Variants in SHB observed in about 807,000 individuals in gnomAD.
SHB encodes SH2 domain containing adaptor protein B.
A neutral mutation model predicts 52.3 loss-of-function variants in SHB; 20 were observed. That is an observed-to-expected ratio of 0.38 (90% CI 0.27 to 0.56). SHB has a LOEUF of 0.56. SHB is among the 20% of genes least tolerant of loss of function. The pLI is 0.71. For missense variants in SHB, 825 were observed against 723.3 expected, an observed-to-expected ratio of 1.14 and a Z score of -1.61; for synonymous variants, 397 against 316.5, an observed-to-expected ratio of 1.25 and a Z score of -2.70.
At chr9:38,019,952 C>T (rs1015300634) in intron 1 of SHB, among the ~76,000 whole-genome samples, 14 of 152,070 alleles carry the variant, frequency 9.2e-5, no homozygotes, top group African/African-American at 3.4e-4. Context: ...CATGACATAG[C>T]TCTGAATGGA....
At position 38,065,905 on chromosome 9, in the gene SHB, C is replaced by A. The variant is rs368445833; in HGVS notation, c.717+2024G>T. On this transcript the variant is annotated intron_variant, in intron 1 of 5. Transcript: ENST00000377707. ...TCTCCAGCCAACCATGGTGACCACC[C>A]CTCCCTCACAATAATGGCCCTGCCT... 9.9e-5 allele frequency among the ~76,000 whole-genome samples: 15 copies of A among 152,084 alleles called. No individual in the cohort carries two copies. The South Asian group carries it at 2.5e-3, about 25-fold the overall frequency.
At chr9:37,948,354 G>A (rs1011667866) in intron 5 of SHB, among the ~76,000 whole-genome samples, 2 of 152,172 alleles carry the variant, frequency 1.3e-5, no homozygotes, top group African/African-American at 4.8e-5. Context: ...TAGGAACTTC[G>A]TACCACCCCG....
At chr9:37,975,791 T>C (rs755650965) in intron 2 of SHB, among the ~76,000 whole-genome samples, 1 of 152,170 alleles carries the variant, frequency 6.6e-6, no homozygotes, top group Non-Finnish European at 1.5e-5. Context: ...AGACACAACA[T>C]GTGCCTAAAT....
chr9:38,044,477 C>G (rs1821621779), intron 1 of SHB, among the ~76,000 whole-genome samples: 1 of 152,214 alleles, frequency 6.6e-6, no homozygotes, highest in African/African-American at 2.4e-5. Flanking sequence ...GGTCCTGAAT[C>G]CTTTGCAGAT....
intron 5 of SHB, among the ~76,000 whole-genome samples, chr9:37,938,957 G>T (rs192503342): frequency 6.6e-6 from 1 of 152,304 alleles, no homozygotes; most frequent in Admixed American, 6.5e-5. Context: ...GGTCTACGTT[G>T]CAGCCGGGAG....
At chr9:38,040,884 G>A (rs989730910) in intron 1 of SHB, among the ~76,000 whole-genome samples, 6 of 151,950 alleles carry the variant, frequency 3.9e-5, no homozygotes, top group South Asian at 2.1e-4. Flanking sequence ...TCTGGAAGAT[G>A]AGTGGCAAGG....
intron 5 of SHB, among the ~76,000 whole-genome samples, chr9:37,924,981 CAGCTTGGTGAG>C (rs1343669184): frequency 2.6e-5 from 4 of 152,234 alleles, no homozygotes; most frequent in Non-Finnish European, 5.9e-5. Context: ...GGCTTCCCTG[CAGCTTGGTGAG>C]AACTGGAGGT....
At chr9:37,993,807 C>A (rs1178733038) in intron 2 of SHB, among the ~76,000 whole-genome samples, 1 of 152,140 alleles carries the variant, frequency 6.6e-6, no homozygotes, top group Non-Finnish European at 1.5e-5. Context: ...GTTACCTGAA[C>A]TTTGGAATTT....
intron 5 of SHB, among the ~76,000 whole-genome samples, chr9:37,946,714 T>C (rs1021537531): frequency 8.5e-5 from 13 of 152,188 alleles, no homozygotes; most frequent in African/African-American, 3.1e-4. Flanking sequence ...TGCTCTGTCC[T>C]GTCCTCCCTG....
At chr9:37,992,792 C>T (rs1820898659) in intron 2 of SHB, among the ~76,000 whole-genome samples, 2 of 152,176 alleles carry the variant, frequency 1.3e-5, no homozygotes, top group Admixed American at 6.5e-5. Flanking sequence ...CATGGGGTGC[C>T]TGCCACCAGA....
chr9:37,922,406 A>G (rs1362043282), intron 5 of SHB, among the ~76,000 whole-genome samples: 2 of 152,250 alleles, frequency 1.3e-5, no homozygotes, highest in Non-Finnish European at 2.9e-5. Context: ...AATGGCCACC[A>G]AGTACTAAAA....
chr9:37,969,885 C>T (rs7874305), intron 3 of SHB, among the ~76,000 whole-genome samples: 88,740 of 152,144 alleles, frequency 0.58, 26,173 homozygotes, highest in East Asian at 0.82. Flanking sequence ...CCAAGCTGCA[C>T]CTGGCGGGGG....
At chr9:37,991,458 G>C (rs983177271) in intron 2 of SHB, among the ~76,000 whole-genome samples, 3 of 152,200 alleles carry the variant, frequency 2.0e-5, no homozygotes, top group South Asian at 4.1e-4. Context: ...ACATTTTGAA[G>C]TTTAGGAAAT....
intron 2 of SHB, among the ~76,000 whole-genome samples, chr9:37,996,942 A>G (rs972918662): frequency 6.6e-6 from 1 of 152,120 alleles, no homozygotes; most frequent in Admixed American, 6.5e-5. Context: ...CAGGTTTGAG[A>G]GCAGAGGCTC....
At chr9:37,984,356 C>G (rs185943726) in intron 2 of SHB, among the ~76,000 whole-genome samples, 1 of 152,170 alleles carries the variant, frequency 6.6e-6, no homozygotes. Flanking sequence ...GAGGCCAGTG[C>G]CACTTTGATA....
At position 37,955,975 on chromosome 9, in the gene SHB, T is replaced by G; in HGVS notation, c.1134A>C (p.Gly378=). The change falls in exon 4 of 6, where the codon GGA becomes GGC. Residue 378 remains glycine, a synonymous_variant. Transcript: ENST00000377707. The stretch of plus-strand genomic sequence containing the variant: ...CATGTTTGATAGGCTTAAAGCCCCC[T>G]CCAGGGGCACGAAGCTGGCGCCGCC... ...RDRRRQLRAP[G]GGFKPIKHGS... The G allele has an allele frequency of 6.2e-7, 1 of 1,607,652 alleles. No individual in the cohort carries two copies. Among genetic ancestry groups the G allele is most frequent in the Non-Finnish European group, 8.5e-7 (1 of 1,177,624 alleles).
intron 3 of SHB, among the ~76,000 whole-genome samples, chr9:37,960,911 G>T (rs1296089355): frequency 6.6e-6 from 1 of 152,312 alleles, no homozygotes; most frequent in African/African-American, 2.4e-5. Flanking sequence ...AGGACTGCAG[G>T]CCTGCAAGGT....
intron 5 of SHB, among the ~76,000 whole-genome samples, chr9:37,923,930 C>G (rs1307141511): frequency 2.0e-5 from 3 of 152,238 alleles, no homozygotes; most frequent in African/African-American, 7.2e-5. Flanking sequence ...AGCCACATCT[C>G]CTCCCACCCT....
In SHB at chr9:38,068,185, G is replaced by A. The variant is rs1821999429; in HGVS notation, c.461C>T (p.Ser154Leu). 4 of 1,414,774 alleles carry A rather than the reference G, an allele frequency of 2.8e-6. No individual in the cohort carries two copies. Among genetic ancestry groups the A allele is most frequent in the Non-Finnish European group, 3.6e-6 (4 of 1,097,754 alleles). The allele number at this position is 1,414,774 out of a possible 1,614,324, so 87.6% of individuals were successfully genotyped here. The part of the protein sequence containing the change: ...SGAGAAASSS[S>L]SSGSPHLYRS... ...GTAGAGATGCGGAGAGCCGGAGGAC[G>A]AGGACGAGGACGCGGCGGCCCCCGC... Residue 154 changes from serine to leucine, a missense_variant, in exon 1 of 6, where the codon TCG (serine) becomes TTG (leucine). Ser to Leu is a moderately radical substitution (Grantham distance 145). Coordinates refer to ENST00000377707, the MANE Select transcript of SHB (RefSeq NM_003028.3).
Sources: gnomAD v4.1 joint callset for allele counts (sites outside exome capture counted in the v4.1 genomes callset) on GRCh38, gnomAD v4.1.1 for gene constraint, MANE v1.5 for transcripts, NCBI Gene and HGNC (gene_info 2026-07-23, HGNC 2026-07-21) for gene names.